SLC9A9: variants seen among roughly 807,000 people sequenced by gnomAD.
SLC9A9 encodes sodium/hydrogen exchanger 9.
SLC9A9 carries 62 observed loss-of-function variants against 77.8 expected under a neutral mutation model. The observed-to-expected ratio is 0.80, with a 90% CI of 0.65 to 0.98. The LOEUF (loss-of-function observed/expected upper bound fraction) is 0.98. SLC9A9 is among the 50% of genes least tolerant of loss of function. The pLI is 0.00. For missense variants in SLC9A9, 775 were observed against 774.9 expected (o/e 1.00, Z 0.00); for synonymous variants, 320 against 283.5 (o/e 1.13, Z -1.29).
At position 143,637,349 on chromosome 3, in the gene SLC9A9, G is replaced by A. The variant is rs557292983; in HGVS notation, c.755+14906C>T. ...ATGGAATTACAAAATACAGTTGAAA[G>A]CTTTAACAATAGATTAGACAAAGCA... On this transcript the variant is annotated intron_variant, in intron 6 of 15. Coordinates refer to ENST00000316549, the MANE Select transcript of SLC9A9 (RefSeq NM_173653.4). Among the ~76,000 whole-genome samples, 5 of 152,224 alleles carry A rather than the reference G, an allele frequency of 3.3e-5. No homozygotes were observed. The East Asian group carries it at 9.7e-4, about 29-fold the overall frequency.
At chr3:143,412,549 C>T (rs894930796) in intron 12 of SLC9A9, among the ~76,000 whole-genome samples, 1 of 152,206 alleles carries the variant, frequency 6.6e-6, no homozygotes, top group Admixed American at 6.5e-5. Context: ...CTGCAAATCC[C>T]TCAGACTCTC....
At position 143,446,876 on chromosome 3, in the gene SLC9A9, A is replaced by ATG. The variant is rs60912550; in HGVS notation, c.1469+20159_1469+20160dup. On this transcript the variant is annotated intron_variant, in intron 12 of 15. Transcript: ENST00000316549. The stretch of plus-strand genomic sequence containing the variant: ...TGGCTGAGATATAAGGTAGGTGTGT[A>ATG]TGTGTGTGTGTGTGTGTGTGTGCAT... 4.4e-3 allele frequency among the ~76,000 whole-genome samples: 649 copies of ATG among 148,600 alleles called. 5 individuals are homozygous for ATG. The highest frequency in any genetic ancestry group is 0.021 in the East Asian group (106 of 5,056).
At chr3:143,604,053 G>T (rs1278088310) in intron 6 of SLC9A9, among the ~76,000 whole-genome samples, 2 of 152,136 alleles carry the variant, frequency 1.3e-5, no homozygotes, top group Admixed American at 1.3e-4. Context: ...TTCTTTAACT[G>T]ACCTGCAGAA....
At chr3:143,741,563 T>C (rs1397313128) in intron 4 of SLC9A9, among the ~76,000 whole-genome samples, 1 of 152,082 alleles carries the variant, frequency 6.6e-6, no homozygotes, top group Non-Finnish European at 1.5e-5. Flanking sequence ...TTTGTAAGTG[T>C]GGGTTATGCA....
chr3:143,702,965 A>G (rs140348692), intron 4 of SLC9A9, among the ~76,000 whole-genome samples: 1 of 152,302 alleles, frequency 6.6e-6, no homozygotes, highest in Non-Finnish European at 1.5e-5. Flanking sequence ...GACTAAAATT[A>G]TAAGAGACAA....
At chr3:143,804,316 C>G (rs2008650773) in intron 2 of SLC9A9, among the ~76,000 whole-genome samples, 1 of 152,146 alleles carries the variant, frequency 6.6e-6, no homozygotes, top group African/African-American at 2.4e-5. Flanking sequence ...ATCAGACTCT[C>G]CTCCCAGGCC....
chr3:143,829,616 T>C (rs1391165820), intron 2 of SLC9A9, among the ~76,000 whole-genome samples: 1 of 152,218 alleles, frequency 6.6e-6, no homozygotes, highest in African/African-American at 2.4e-5. Flanking sequence ...TATACGTTGG[T>C]CTTATCTCCC....
chr3:143,519,304 T>G (rs147291325), intron 9 of SLC9A9, among the ~76,000 whole-genome samples: 206 of 152,308 alleles, frequency 1.4e-3, no homozygotes, highest in African/African-American at 4.4e-3. Flanking sequence ...TTTGGCTTTT[T>G]CTTTCCCTAA....
chr3:143,649,866 C>T (rs566023739), intron 6 of SLC9A9, among the ~76,000 whole-genome samples: 7 of 152,086 alleles, frequency 4.6e-5, no homozygotes, highest in Admixed American at 6.5e-5. Context: ...TTCAAAACCA[C>T]GCAAAGATGG....
At chr3:143,794,712 A>G (rs1576730925) in intron 4 of SLC9A9, among the ~76,000 whole-genome samples, 1 of 152,168 alleles carries the variant, frequency 6.6e-6, no homozygotes, top group Non-Finnish European at 1.5e-5. Context: ...TACTCAAACT[A>G]AAAGAAGAAT....
chr3:143,594,835 C>T (rs948161436), intron 6 of SLC9A9, among the ~76,000 whole-genome samples: 18 of 152,178 alleles, frequency 1.2e-4, no homozygotes, highest in Middle Eastern at 3.2e-3. Context: ...GGATTCGCTT[C>T]CCTCCAGACT....
intron 6 of SLC9A9, among the ~76,000 whole-genome samples, chr3:143,619,491 GC>G (rs1223648446): frequency 6.6e-6 from 1 of 152,144 alleles, no homozygotes; most frequent in Non-Finnish European, 1.5e-5. Context: ...TCCATGCATA[GC>G]AGTCAAATAT....
At chr3:143,797,511 A>G (rs1057436144) in intron 2 of SLC9A9, among the ~76,000 whole-genome samples, 1 of 152,122 alleles carries the variant, frequency 6.6e-6, no homozygotes, top group Non-Finnish European at 1.5e-5. Flanking sequence ...AGATGGCCCA[A>G]AGCAAGTGAA....
rs1043740324 is a variant in SLC9A9 at position 143,743,294 on chromosome 3, G to T, written c.534-49987C>A. Among the ~76,000 whole-genome samples, 5 of 150,448 alleles carry T rather than the reference G, an allele frequency of 3.3e-5. No individual in the cohort carries two copies. The South Asian group carries it at 8.3e-4, about 25-fold the overall frequency. On this transcript the variant is annotated intron_variant, in intron 4 of 15. Coordinates refer to ENST00000316549, the MANE Select transcript of SLC9A9 (RefSeq NM_173653.4). The stretch of plus-strand genomic sequence containing the variant: ...AGATAGATAGATAGATAGATAGACA[G>T]ACAGATAGATAGATGATAGATAGAT...
At chr3:143,289,767 T>C (rs1230896959) in intron 14 of SLC9A9, among the ~76,000 whole-genome samples, 2 of 152,136 alleles carry the variant, frequency 1.3e-5, no homozygotes, top group Admixed American at 1.3e-4. Context: ...TTCTCACTGG[T>C]CTAGGGGCTC....
chr3:143,517,741 C>T, intron 9 of SLC9A9: 1 of 1,598,020 alleles, frequency 6.3e-7, no homozygotes, highest in South Asian at 1.1e-5. Context: ...CAGCACTTGG[C>T]TTCTGTAATT....
chr3:143,501,490 G>A (rs1376890741), intron 9 of SLC9A9, among the ~76,000 whole-genome samples: 1 of 150,800 alleles, frequency 6.6e-6, no homozygotes, highest in Non-Finnish European at 1.5e-5. Flanking sequence ...AAGGGGATAC[G>A]TTTTCTTTTT....
chr3:143,731,022 C>A (rs1934791537), intron 4 of SLC9A9, among the ~76,000 whole-genome samples: 1 of 152,136 alleles, frequency 6.6e-6, no homozygotes, highest in African/African-American at 2.4e-5. Context: ...CTTGTTCCAG[C>A]CACTACACAG....
At position 143,645,322 on chromosome 3, in the gene SLC9A9, A is replaced by T. The variant is rs1479893714; in HGVS notation, c.755+6933T>A. 1.3e-5 allele frequency among the ~76,000 whole-genome samples: 2 copies of T among 152,246 alleles called. 1 individual carries two copies. Among genetic ancestry groups the T allele is most frequent in the African/African-American group, 4.8e-5 (2 of 41,458 alleles). ...AATTATTTTAGGAATATATTTTTAT[A>T]ACCAAACCCTATACATGTAAGCTAT... is the stretch of plus-strand genomic sequence containing the variant. On this transcript the variant is annotated intron_variant, in intron 6 of 15. Transcript: ENST00000316549.
Sources: allele counts gnomAD v4.1 joint callset (sites outside exome capture counted in the v4.1 genomes callset), GRCh38; gene constraint gnomAD v4.1.1; transcripts MANE v1.5; gene names NCBI Gene and HGNC (gene_info 2026-07-23, HGNC 2026-07-21).